Variants in RBFOX1 observed in about 807,000 individuals in gnomAD.
RBFOX1 encodes RNA binding fox-1 homolog 1, also known as RNA binding protein fox-1 homolog 1.
A neutral mutation model predicts 57.7 loss-of-function variants in RBFOX1; 8 were observed. That is an observed-to-expected ratio of 0.14 (90% CI 0.08 to 0.25). The LOEUF (loss-of-function observed/expected upper bound fraction) is 0.25, where lower values mean the gene tolerates loss of function less well. Among genes scored for constraint, RBFOX1 ranks in the 10% least tolerant of loss-of-function variants. RBFOX1 has a pLI of 1.00. For missense variants in RBFOX1, 611 were observed against 548.5 expected (o/e 1.11, Z -1.14); for synonymous variants, 326 against 222.4 (o/e 1.47, Z -4.15).
chr16:6,333,273 G>C (rs2083256859), intron 2 of RBFOX1, among the ~76,000 whole-genome samples: 1 of 152,088 alleles, frequency 6.6e-6, no homozygotes, highest in Non-Finnish European at 1.5e-5. Flanking sequence ...TTGAATTCCT[G>C]AGCTCAGGTG....
intron 2 of RBFOX1, among the ~76,000 whole-genome samples, chr16:5,594,437 G>A (rs553604993): frequency 3.3e-5 from 4 of 120,658 alleles, no homozygotes; most frequent in Admixed American, 2.3e-4. Flanking sequence ...AGGTCCTGAC[G>A]ACATCTGCCC....
intron 11 of RBFOX1, among the ~76,000 whole-genome samples, chr16:7,653,363 G>A (rs1376362041): frequency 3.3e-5 from 5 of 152,096 alleles, no homozygotes; most frequent in African/African-American, 1.2e-4. Context: ...TTAGCCAGGT[G>A]TGGTAGCACA....
chr16:5,407,828 C>T (rs757931557), intron 1 of RBFOX1, among the ~76,000 whole-genome samples: 7 of 152,138 alleles, frequency 4.6e-5, no homozygotes, highest in Admixed American at 6.5e-5. Context: ...GGATTACAGG[C>T]GTGAGCCACT....
intron 3 of RBFOX1, among the ~76,000 whole-genome samples, chr16:5,640,969 C>G (rs1336792363): frequency 1.3e-5 from 2 of 151,686 alleles, no homozygotes; most frequent in Non-Finnish European, 2.9e-5. Context: ...TACACACATG[C>G]ACACACATAC....
intron 4 of RBFOX1, among the ~76,000 whole-genome samples, chr16:7,269,698 G>C (rs959509610): frequency 2.6e-5 from 4 of 152,034 alleles, no homozygotes. Context: ...CTATTATTAA[G>C]AATAATGTCA....
At chr16:6,985,434 C>T (rs889525371) in intron 3 of RBFOX1, among the ~76,000 whole-genome samples, 3 of 152,162 alleles carry the variant, frequency 2.0e-5, no homozygotes, top group South Asian at 2.1e-4. Flanking sequence ...ATCACTTCAG[C>T]CCATGTGTTC....
At chr16:6,749,689 TAA>T (rs2074528261) in intron 3 of RBFOX1, among the ~76,000 whole-genome samples, 1 of 152,190 alleles carries the variant, frequency 6.6e-6, no homozygotes, top group South Asian at 2.1e-4. Context: ...GTGACCTCAG[TAA>T]ATAATAAGCC....
chr16:6,591,991 C>G (rs1362220617), intron 2 of RBFOX1, among the ~76,000 whole-genome samples: 2 of 152,094 alleles, frequency 1.3e-5, no homozygotes, highest in Admixed American at 1.3e-4. Context: ...GTATGACTTC[C>G]TAAGCATCCT....
chr16:5,660,492 C>T (rs886666639), intron 3 of RBFOX1, among the ~76,000 whole-genome samples: 2 of 152,286 alleles, frequency 1.3e-5, no homozygotes, highest in Admixed American at 1.3e-4. Flanking sequence ...TCATGAATGC[C>T]ATACGTTGTG....
chr16:7,577,447 C>T (rs913606459), intron 5 of RBFOX1, among the ~76,000 whole-genome samples: 1 of 152,242 alleles, frequency 6.6e-6, no homozygotes, highest in African/African-American at 2.4e-5. Context: ...ATGCACTGCC[C>T]TGTCTTGGAA....
At chr16:7,378,686 C>G (rs949862897) in intron 4 of RBFOX1, among the ~76,000 whole-genome samples, 1 of 152,074 alleles carries the variant, frequency 6.6e-6, no homozygotes, top group Non-Finnish European at 1.5e-5. Context: ...TTTTATTTCC[C>G]AGGCACTTCC....
At chr16:7,650,967 C>T (rs1168394348) in intron 11 of RBFOX1, among the ~76,000 whole-genome samples, 2 of 152,108 alleles carry the variant, frequency 1.3e-5, no homozygotes, top group East Asian at 3.9e-4. Flanking sequence ...CACGTCTCTG[C>T]GGTTTCAAGC....
intron 4 of RBFOX1, among the ~76,000 whole-genome samples, chr16:7,429,811 C>G (rs1338315564): frequency 1.3e-5 from 2 of 152,200 alleles, no homozygotes; most frequent in African/African-American, 4.8e-5. Flanking sequence ...ACAGCAAACT[C>G]TGCCTTTCCA....
At chr16:6,362,834 G>A (rs1315677792) in intron 2 of RBFOX1, among the ~76,000 whole-genome samples, 2 of 152,136 alleles carry the variant, frequency 1.3e-5, no homozygotes, top group African/African-American at 2.4e-5. Context: ...CTTCACCCTC[G>A]AATTCGAGGA....
chr16:7,181,778 C>G lies in RBFOX1; in HGVS notation c.27+129680C>G, dbSNP rs565188948. Among the ~76,000 whole-genome samples the G allele has an allele frequency of 3.3e-5, 5 of 152,172 alleles. No homozygotes were observed. The South Asian group carries it at 6.2e-4, about 19-fold the overall frequency. On this transcript the variant is annotated intron_variant, in intron 4 of 15. Transcript: ENST00000550418. ...GTCTTGCCATGTTACCCAGGCTGGT[C>G]TCAGACTCCTGAGCTCAAGCGATCT...
intron 4 of RBFOX1, among the ~76,000 whole-genome samples, chr16:7,437,420 A>C (rs942659328): frequency 1.3e-5 from 2 of 152,084 alleles, no homozygotes; most frequent in African/African-American, 4.8e-5. Context: ...TGTGGAAAGG[A>C]TGTTAATAGA....
At chr16:6,280,634 C>T (rs1054114327) in intron 1 of RBFOX1, among the ~76,000 whole-genome samples, 3 of 152,062 alleles carry the variant, frequency 2.0e-5, no homozygotes, top group Non-Finnish European at 2.9e-5. Context: ...TATTTAGCCC[C>T]ACGAGCCAGA....
chr16:6,599,582 A>G (rs2097823630), intron 2 of RBFOX1, among the ~76,000 whole-genome samples: 1 of 152,170 alleles, frequency 6.6e-6, no homozygotes, highest in Admixed American at 6.5e-5. Flanking sequence ...TCTTACTTGC[A>G]AAAACTTGAT....
At chr16:7,206,040 G>T (rs2089899685) in intron 4 of RBFOX1, among the ~76,000 whole-genome samples, 2 of 152,224 alleles carry the variant, frequency 1.3e-5, no homozygotes, top group Non-Finnish European at 2.9e-5. Context: ...AGGCGAGTAG[G>T]ATGTTTAGTT....
Sources: allele counts gnomAD v4.1 joint callset (sites outside exome capture counted in the v4.1 genomes callset), GRCh38; gene constraint gnomAD v4.1.1; transcripts MANE v1.5; gene names NCBI Gene and HGNC (gene_info 2026-07-23, HGNC 2026-07-21).